CALN1: variants seen among roughly 807,000 people sequenced by gnomAD.
The protein encoded by CALN1 is calneuron 1.
A neutral mutation model predicts 30.6 loss-of-function variants in CALN1; 17 were observed. The ratio of observed to expected loss-of-function variants is 0.56; its 90% CI spans 0.38 to 0.83. CALN1 has a LOEUF of 0.83. CALN1 is among the 40% of genes least tolerant of loss of function. CALN1 has a pLI of 0.00. For synonymous variants in CALN1, 156 were observed against 131.4 expected, an observed-to-expected ratio of 1.19 and a Z score of -1.28; for missense variants, 291 against 354.9, an observed-to-expected ratio of 0.82 and a Z score of 1.45.
intron 5 of CALN1, among the ~76,000 whole-genome samples, chr7:71,988,351 A>G (rs1259980102): frequency 6.6e-6 from 1 of 152,142 alleles, no homozygotes; most frequent in African/African-American, 2.4e-5. Flanking sequence ...GAGCCTAACC[A>G]CAACACCATA....
At chr7:72,369,362 G>GTTGTTGTT (rs1487927538) in intron 2 of CALN1, among the ~76,000 whole-genome samples, 1 of 54,202 alleles carries the variant, frequency 1.8e-5, no homozygotes. Flanking sequence ...TTATTTTTTT[G>GTTGTTGTT]TTGTTGTTGT....
intron 2 of CALN1, among the ~76,000 whole-genome samples, chr7:72,386,292 T>C (rs1323097632): frequency 1.3e-5 from 2 of 152,176 alleles, no homozygotes. Flanking sequence ...ATACAGAATG[T>C]GACAAATCAA....
chr7:72,463,113 TTTTATTTA>T, the CALN1 span, among the ~76,000 whole-genome samples: 3 of 151,824 alleles, frequency 2.0e-5, no homozygotes, highest in South Asian at 2.1e-4. Context: ...TGCTTTGCAT[TTTTATTTA>T]TTTATTTATT....
chr7:72,487,780 GAGAAAGAAAGA>G, the CALN1 span, among the ~76,000 whole-genome samples: 1 of 108,472 alleles, frequency 9.2e-6, no homozygotes, highest in Non-Finnish European at 1.9e-5. Context: ...AAGAAAGAAA[GAGAAAGAAAGA>G]AGAAAGAAAG....
In CALN1 at chr7:71,935,509, G is replaced by A. The variant is rs56659373; in HGVS notation, c.501+88148C>T. Among the ~76,000 whole-genome samples the A allele has an allele frequency of 2.9e-3, 445 of 152,244 alleles. 1 individual carries two copies. The highest frequency in any genetic ancestry group is 0.01 in the African/African-American group (432 of 41,552). Reference sequence around the variant, plus strand: ...AGGCCGAGGCGGGCGGATCACCTGAGGTCAGGAGTTCGAGACCAGGCTGGC... The same window carrying A: ...AGGCCGAGGCGGGCGGATCACCTGAAGTCAGGAGTTCGAGACCAGGCTGGC... On this transcript the variant is annotated intron_variant, in intron 5 of 6. Coordinates refer to ENST00000395275, the MANE Select transcript of CALN1 (RefSeq NM_031468.4).
At chr7:72,074,100 C>G (rs1804576094) in intron 4 of CALN1, among the ~76,000 whole-genome samples, 1 of 152,172 alleles carries the variant, frequency 6.6e-6, no homozygotes, top group Non-Finnish European at 1.5e-5. Flanking sequence ...AGAAACTAAC[C>G]ATCGTATAGC....
At chr7:71,979,496 T>G (rs1798278078) in intron 5 of CALN1, among the ~76,000 whole-genome samples, 1 of 152,098 alleles carries the variant, frequency 6.6e-6, no homozygotes, top group Non-Finnish European at 1.5e-5. Flanking sequence ...TATGCTTCTA[T>G]GAGACTCTAA....
Position 72,072,486 on chromosome 7 carries a change from A to G in CALN1, c.388+33665T>C, listed in dbSNP as rs1365025222. ...AAAGCTGAGGCAGTTTGTTATCACT[A>G]GACTTGCCCTGCAACAGATACTAAA... On this transcript the variant is annotated intron_variant, in intron 4 of 6. Coordinates refer to ENST00000395275, the MANE Select transcript of CALN1 (RefSeq NM_031468.4). Among the ~76,000 whole-genome samples the G allele has an allele frequency of 2.6e-5, 4 of 152,348 alleles. No homozygotes were observed. The East Asian group carries it at 7.7e-4, about 29-fold the overall frequency.
At chr7:71,887,807 G>A (rs1025373066) in intron 5 of CALN1, among the ~76,000 whole-genome samples, 2 of 152,158 alleles carry the variant, frequency 1.3e-5, no homozygotes, top group African/African-American at 4.8e-5. Flanking sequence ...GAGATGGAGG[G>A]TGAGAAGGAG....
intron 2 of CALN1, among the ~76,000 whole-genome samples, chr7:72,341,539 G>T (rs1562906216): frequency 7.8e-6 from 1 of 128,388 alleles, no homozygotes; most frequent in Non-Finnish European, 1.8e-5. Context: ...CAAAAAAACA[G>T]ACAAACAAAC....
the CALN1 span, among the ~76,000 whole-genome samples, chr7:72,499,216 A>C: frequency 6.6e-6 from 1 of 152,116 alleles, no homozygotes; most frequent in Non-Finnish European, 1.5e-5. Flanking sequence ...TTTTTAGTAG[A>C]GACGAGGTTT....
At chr7:71,960,146 T>C (rs1486755743) in intron 5 of CALN1, among the ~76,000 whole-genome samples, 2,974 of 58,460 alleles carry the variant, frequency 0.051, 123 homozygotes, top group African/African-American at 0.14. Flanking sequence ...AATAAATAAA[T>C]AAATAAATAA....
At chr7:71,844,852 T>C (rs1179515729) in intron 5 of CALN1, among the ~76,000 whole-genome samples, 1 of 152,192 alleles carries the variant, frequency 6.6e-6, no homozygotes, top group Non-Finnish European at 1.5e-5. Context: ...GGAAACAACA[T>C]ACTCCTCCAT....
chr7:71,987,862 T>C (rs1798755597), intron 5 of CALN1, among the ~76,000 whole-genome samples: 1 of 152,084 alleles, frequency 6.6e-6, no homozygotes, highest in Non-Finnish European at 1.5e-5. Context: ...GTTGGGCATA[T>C]ATAGCTGGGA....
chr7:71,928,091 C>A (rs560393508), intron 5 of CALN1, among the ~76,000 whole-genome samples: 51 of 152,272 alleles, frequency 3.3e-4, no homozygotes, highest in African/African-American at 1.1e-3. Flanking sequence ...ACAGAAGTGA[C>A]ACTCATCTCC....
rs563511900 is a variant in CALN1, at chr7:72,243,473, T to G, written c.244+35213A>C. 3.9e-5 allele frequency among the ~76,000 whole-genome samples: 6 copies of G among 152,298 alleles called. No individual in the cohort carries two copies. The East Asian group carries it at 5.8e-4, about 15-fold the overall frequency. Reference sequence around the variant, plus strand: ...TGTTTGTTTTTTAAATCAGTGAGCTTCTTTCGGTGCTAAGTGCTGACCTAG... The same window carrying G: ...TGTTTGTTTTTTAAATCAGTGAGCTGCTTTCGGTGCTAAGTGCTGACCTAG... On this transcript the variant is annotated intron_variant, in intron 3 of 6. Coordinates refer to ENST00000395275, the MANE Select transcript of CALN1 (RefSeq NM_031468.4).
At chr7:72,341,210 T>A (rs184863634) in intron 2 of CALN1, among the ~76,000 whole-genome samples, 43 of 152,312 alleles carry the variant, frequency 2.8e-4, no homozygotes, top group African/African-American at 9.4e-4. Context: ...ACTTTCTAGA[T>A]GACAACCATG....
At chr7:72,386,916 T>A (rs1805241286) in intron 2 of CALN1, among the ~76,000 whole-genome samples, 1 of 151,958 alleles carries the variant, frequency 6.6e-6, no homozygotes, top group Non-Finnish European at 1.5e-5. Flanking sequence ...TATGTGTACA[T>A]ACATAGTTTA....
intron 2 of CALN1, among the ~76,000 whole-genome samples, chr7:72,348,736 A>G (rs1278115010): frequency 1.3e-5 from 2 of 152,250 alleles, no homozygotes; most frequent in South Asian, 2.1e-4. Context: ...TAGCTCTAGA[A>G]TAACAGCTAT....
Sources: allele counts gnomAD v4.1 joint callset (sites outside exome capture counted in the v4.1 genomes callset), GRCh38; gene constraint gnomAD v4.1.1; transcripts MANE v1.5; gene names NCBI Gene and HGNC (gene_info 2026-07-23, HGNC 2026-07-21).